Variants in ZNF260 observed in about 807,000 individuals in gnomAD.
ZNF260 encodes the protein zfp-260.
In ZNF260, 21 loss-of-function variants were observed where a neutral mutation model predicts 29.3. The ratio of observed to expected loss-of-function variants is 0.72; its 90% CI spans 0.51 to 1.03. The LOEUF is 1.03. Ranked by LOEUF, ZNF260 falls within the 50% of genes least tolerant of loss-of-function variation. The pLI, the probability that ZNF260 is intolerant of heterozygous loss-of-function variation, is 0.00. For missense variants in ZNF260, 465 were observed against 487.8 expected, an observed-to-expected ratio of 0.95 and a Z score of 0.44; for synonymous variants, 156 against 156.8, an observed-to-expected ratio of 0.99 and a Z score of 0.04.
Position 36,511,136 on chromosome 19 carries a change from T to C in ZNF260, c.*2864A>G, listed in dbSNP as rs2034445094. On this transcript the variant is annotated 3_prime_UTR_variant, in exon 3 of 3. Transcript: ENST00000523638. ...AACCTTCAGAAATGCTAGTAAGTGC[T>C]ACAGTAATATTAACATTATATTGAG... is the stretch of plus-strand genomic sequence containing the variant. 2 of 152,222 alleles carry C rather than the reference T, an allele frequency of 1.3e-5. No homozygotes were observed. Among genetic ancestry groups the C allele is most frequent in the South Asian group, 4.1e-4 (2 of 4,832 alleles). 9.4% of individuals were successfully genotyped at this position (152,222 alleles called of 1,614,324 possible). A position where few individuals can be genotyped will look rare whatever the true frequency, so the allele number is the denominator to read the frequency against.
rs990191526 is a variant in ZNF260 at position 36,511,912 on chromosome 19, A to T, written c.*2088T>A. On this transcript the variant is annotated 3_prime_UTR_variant, in exon 3 of 3. Transcript: ENST00000523638. ...GAGTTAATGTTTTCCTCAATGGCTTATAAAAAAATTGAAGAGTGACACAGT... is the reference window on the plus strand; with the variant it reads ...GAGTTAATGTTTTCCTCAATGGCTTTTAAAAAAATTGAAGAGTGACACAGT... 1.4e-4 allele frequency: 21 copies of T among 152,192 alleles called. No individual in the cohort carries two copies. Among genetic ancestry groups the T allele is most frequent in the African/African-American group, 5.1e-4 (21 of 41,444 alleles). 9.4% of individuals were successfully genotyped at this position (152,192 alleles called of 1,614,324 possible).
intron 1 of ZNF260, among the ~76,000 whole-genome samples, chr19:36,527,255 A>AAAGC (rs1202756197): frequency 1.3e-5 from 2 of 152,240 alleles, no homozygotes; most frequent in African/African-American, 4.8e-5. Flanking sequence ...AGTTAGGGGA[A>AAAGC]AAGCAGAAAC....
chr19:36,513,863 T>C lies in ZNF260; in HGVS notation c.*137A>G, dbSNP rs2034492899. The C allele has an allele frequency of 1.1e-6, 1 of 893,358 alleles. No homozygotes were observed. The allele number at this position is 893,358 out of a possible 1,614,324, so 55.3% of individuals were successfully genotyped here. On this transcript the variant is annotated 3_prime_UTR_variant, in exon 3 of 3. Coordinates refer to ENST00000523638, the MANE Select transcript of ZNF260 (RefSeq NM_001166037.2). ...ACACTATAATACTTATTAAACATCA[T>C]AGTATTTAAGTTTTGAATTGCTGCT...
chr19:36,514,859 T>C lies in ZNF260; in HGVS notation c.380A>G (p.Gln127Arg). The C allele has an allele frequency of 6.2e-7, 1 of 1,614,106 alleles. No homozygotes were observed. Among genetic ancestry groups the C allele is most frequent in the Non-Finnish European group, 8.5e-7 (1 of 1,180,012 alleles). Residue 127 changes from glutamine to arginine, a missense_variant, in exon 3 of 3, where the codon CAG becomes CGG. By Grantham distance (43) the Gln-to-Arg change is conservative (BLOSUM62 1). Coordinates refer to ENST00000523638, the MANE Select transcript of ZNF260 (RefSeq NM_001166037.2). The stretch of plus-strand genomic sequence containing the variant: ...GGGTTTGGTTCCTGTATGATTTTTC[T>C]GGTGTCTGATGATGGTTGGCATCTG... ...SIQMPTIIRH[Q>R]KNHTGTKPYA...
At position 36,528,245 on chromosome 19, in the gene ZNF260, T is replaced by G. The variant is rs984158482; in HGVS notation, c.-707A>C. The G allele has an allele frequency of 2.2e-5, 3 of 135,606 alleles. No individual in the cohort carries two copies. Among genetic ancestry groups the G allele is most frequent in the African/African-American group, 7.9e-5 (3 of 37,956 alleles). 8.4% of individuals were successfully genotyped at this position (135,606 alleles called of 1,614,324 possible). On this transcript the variant is annotated 5_prime_UTR_variant, in exon 1 of 3. Coordinates refer to ENST00000523638, the MANE Select transcript of ZNF260 (RefSeq NM_001166037.2). ...GGCAGACAAAGACGACCATGGCAAG[T>G]CGGAGATTCCGCGCCTGCGCACTCC...
At chr19:36,524,779 C>T (rs1016979600) in intron 2 of ZNF260, among the ~76,000 whole-genome samples, 3 of 151,742 alleles carry the variant, frequency 2.0e-5, no homozygotes, top group Non-Finnish European at 2.9e-5. Context: ...CTTAAGGAAA[C>T]GCATCTAGGC....
In ZNF260 at chr19:36,514,459, C is replaced by T. The variant is rs940936816; in HGVS notation, c.780G>A (p.Lys260=). 1.6e-5 allele frequency: 26 copies of T among 1,613,040 alleles called. No homozygotes were observed. The highest frequency in any genetic ancestry group is 2.2e-5 in the Non-Finnish European group (26 of 1,179,810). ...TTTTCTCATGCTCTGTGAGATTTGA[C>T]TTGCCACTGAAGGCTTTCCCACATT... ...CKECGKAFSG[K]SNLTEHEKIH... The change falls in exon 3 of 3, where the codon AAG becomes AAA. Residue 260 remains lysine, a synonymous_variant. Transcript: ENST00000523638.
chr19:36,527,352 T>C (rs955852854), intron 1 of ZNF260, among the ~76,000 whole-genome samples: 1 of 152,212 alleles, frequency 6.6e-6, no homozygotes, highest in Non-Finnish European at 1.5e-5. Flanking sequence ...TTGAAAAATA[T>C]GTTAAGAATA....
At chr19:36,523,203 G>C (rs1207717523) in intron 2 of ZNF260, among the ~76,000 whole-genome samples, 1 of 152,086 alleles carries the variant, frequency 6.6e-6, no homozygotes, top group Non-Finnish European at 1.5e-5. Context: ...CAGTCAGATT[G>C]CACACTCTTT....
At chr19:36,516,425 C>T (rs919851120) in intron 2 of ZNF260, among the ~76,000 whole-genome samples, 3 of 151,806 alleles carry the variant, frequency 2.0e-5, no homozygotes, top group African/African-American at 4.8e-5. Context: ...GCGAGACTCT[C>T]GTCTCTATAA....
rs796743357 is a variant in ZNF260 at position 36,513,450 on chromosome 19, G to C, written c.*550C>G. 1.3e-5 allele frequency: 4 copies of C among 302,552 alleles called. No individual in the cohort carries two copies. Among genetic ancestry groups the C allele is most frequent in the African/African-American group, 6.4e-5 (3 of 46,782 alleles). 18.7% of individuals were successfully genotyped at this position (302,552 alleles called of 1,614,324 possible). The stretch of plus-strand genomic sequence containing the variant: ...GAGATATTATTTTTCCATATGAAGA[G>C]TCAATTAATTTTTAAGTAATCCATG... On this transcript the variant is annotated 3_prime_UTR_variant, in exon 3 of 3. Transcript: ENST00000523638.
At chr19:36,526,553 T>C (rs1380742674) in intron 1 of ZNF260, among the ~76,000 whole-genome samples, 1 of 152,012 alleles carries the variant, frequency 6.6e-6, no homozygotes, top group Non-Finnish European at 1.5e-5. Context: ...AAAATAAAAA[T>C]AAAGTGAATG....
At position 36,514,842 on chromosome 19, in the gene ZNF260, T is replaced by C. The variant is rs747595794; in HGVS notation, c.397A>G (p.Thr133Ala). The C allele has an allele frequency of 1.9e-6, 3 of 1,613,936 alleles. No homozygotes were observed. Among genetic ancestry groups the C allele is most frequent in the East Asian group, 2.2e-5 (1 of 44,862 alleles). Residue 133 changes from threonine (T) to alanine (A), a missense_variant, in exon 3 of 3, where the codon ACC (threonine) becomes GCC (alanine). By Grantham distance (58) the Thr-to-Ala change is moderately conservative. Coordinates refer to ENST00000523638, the MANE Select transcript of ZNF260 (RefSeq NM_001166037.2). ...IIRHQKNHTG[T>A]KPYACKECGK... Reference sequence around the variant, plus strand: ...CATTCCTTACATGCATAGGGTTTGGTTCCTGTATGATTTTTCTGGTGTCTG... The same window carrying C: ...CATTCCTTACATGCATAGGGTTTGGCTCCTGTATGATTTTTCTGGTGTCTG...
chr19:36,518,929 T>C, intron 2 of ZNF260, among the ~76,000 whole-genome samples: 1 of 151,940 alleles, frequency 6.6e-6, no homozygotes, highest in Non-Finnish European at 1.5e-5. Flanking sequence ...TGTACTCCCT[T>C]CTACTTGGGG....
At chr19:36,516,936 A>C (rs1327208098) in intron 2 of ZNF260, among the ~76,000 whole-genome samples, 1 of 152,224 alleles carries the variant, frequency 6.6e-6, no homozygotes, top group Non-Finnish European at 1.5e-5. Flanking sequence ...ACAAATACTT[A>C]AAAGACTGGG....
At position 36,513,751 on chromosome 19, in the gene ZNF260, C is replaced by CTT. The variant is rs1370099289; in HGVS notation, c.*248_*249insAA. On this transcript the variant is annotated 3_prime_UTR_variant, in exon 3 of 3. Transcript: ENST00000523638. ...GGAACACATTAAGTAGTGTCCATGA[C>CTT]TAGATCCTAACTTTAATGAGTATAC... 12 of 531,894 alleles carry CTT rather than the reference C, an allele frequency of 2.3e-5. No individual in the cohort carries two copies. The highest frequency in any genetic ancestry group is 1.5e-4 in the African/African-American group (8 of 53,374). 32.9% of individuals were successfully genotyped at this position (531,894 alleles called of 1,614,324 possible). A position where few individuals can be genotyped will look rare whatever the true frequency, so the allele number is the denominator to read the frequency against.
At chr19:36,521,685 C>T (rs2034648216) in intron 2 of ZNF260, among the ~76,000 whole-genome samples, 1 of 151,964 alleles carries the variant, frequency 6.6e-6, no homozygotes, top group African/African-American at 2.4e-5. Flanking sequence ...ACCCGGGAGG[C>T]AGACATTGTA....
rs747615613 is a variant in ZNF260 at position 36,514,455 on chromosome 19, T to C, written c.784A>G (p.Asn262Asp). 3.1e-6 allele frequency: 5 copies of C among 1,613,624 alleles called. No individual in the cohort carries two copies. Among genetic ancestry groups the C allele is most frequent in the Admixed American group, 3.3e-5 (2 of 59,998 alleles). Residue 262 changes from asparagine to aspartate, a missense_variant, in exon 3 of 3, where the codon AAT (asparagine) becomes GAT (aspartate). Coordinates refer to ENST00000523638, the MANE Select transcript of ZNF260 (RefSeq NM_001166037.2). ...ECGKAFSGKS[N>D]LTEHEKIHIG... ...TGAATTTTCTCATGCTCTGTGAGAT[T>C]TGACTTGCCACTGAAGGCTTTCCCA...
intron 2 of ZNF260, among the ~76,000 whole-genome samples, chr19:36,520,859 C>CAAAAA (rs35180207): frequency 1.5e-5 from 1 of 65,898 alleles, no homozygotes; most frequent in Non-Finnish European, 2.8e-5. Flanking sequence ...GATTCCGTCT[C>CAAAAA]AAAAAAAAAA....
Sources: allele counts gnomAD v4.1 joint callset (sites outside exome capture counted in the v4.1 genomes callset), GRCh38; gene constraint gnomAD v4.1.1; transcripts MANE v1.5; gene names NCBI Gene and HGNC (gene_info 2026-07-23, HGNC 2026-07-21).